GALK2: variants seen among roughly 807,000 people sequenced by gnomAD.
GALK2 encodes the protein galactokinase 2.
A neutral mutation model predicts 52.4 loss-of-function variants in GALK2; 36 were observed. The observed-to-expected ratio is 0.69, with a 90% CI of 0.53 to 0.91. GALK2 has a LOEUF of 0.91. Among genes scored for constraint, GALK2 ranks in the 40% least tolerant of loss-of-function variants. The pLI, the probability that GALK2 is intolerant of heterozygous loss-of-function variation, is 0.00. For missense variants in GALK2, 579 were observed against 559.1 expected (o/e 1.04, Z -0.36); for synonymous variants, 176 against 199.1 (o/e 0.88, Z 0.98).
At chr15:49,167,388 G>A (rs1016684893), upstream of GALK2, among the ~76,000 whole-genome samples, 8 of 151,732 alleles carry the variant, frequency 5.3e-5, no homozygotes, top group South Asian at 2.1e-4. Context: ...ATGGAGTTTC[G>A]CTCTTGGTTG....
intron 8 of GALK2, among the ~76,000 whole-genome samples, chr15:49,308,955 G>A (rs1567046463): frequency 1.3e-5 from 2 of 152,320 alleles, no homozygotes; most frequent in South Asian, 2.1e-4. Context: ...GTATGTTGGT[G>A]ATGGAGAAGG....
At chr15:49,348,833 C>T (rs2041881048) in intron 3 of GALK2, among the ~76,000 whole-genome samples, 1 of 152,238 alleles carries the variant, frequency 6.6e-6, no homozygotes, top group African/African-American at 2.4e-5. Flanking sequence ...TTGATATTCA[C>T]TTAAACTATT....
At position 49,283,852 on chromosome 15, in the gene GALK2, C is replaced by T. The variant is rs1299985428; in HGVS notation, c.756+134C>T. ...ACTGCACAGCATTCCAACTGAAGGT[C>T]TTTGGGTACAGAGAAATCTGATTTC... is the stretch of plus-strand genomic sequence containing the variant. On this transcript the variant is annotated intron_variant, in intron 7 of 9. Transcript: ENST00000560031. 3 of 848,962 alleles carry T rather than the reference C, an allele frequency of 3.5e-6. No homozygotes were observed. The African/African-American group carries it at 5.1e-5, about 14-fold the overall frequency. 52.6% of individuals were successfully genotyped at this position (848,962 alleles called of 1,614,324 possible). A position where few individuals can be genotyped will look rare whatever the true frequency, so the allele number is the denominator to read the frequency against.
chr15:49,190,176 AC>A (rs1416232030), intron 1 of GALK2, among the ~76,000 whole-genome samples: 1 of 152,188 alleles, frequency 6.6e-6, no homozygotes, highest in Non-Finnish European at 1.5e-5. Flanking sequence ...TTTCTAGTAT[AC>A]CCTTTCAAAT....
intron 2 of GALK2, among the ~76,000 whole-genome samples, chr15:49,215,514 A>G (rs1437314359): frequency 1.3e-5 from 2 of 150,714 alleles, no homozygotes; most frequent in African/African-American, 5.0e-5. Flanking sequence ...TGCTGTTGAG[A>G]GACTCTGAGA....
At chr15:49,228,874 T>C (rs1301388953) in intron 3 of GALK2, among the ~76,000 whole-genome samples, 1 of 150,554 alleles carries the variant, frequency 6.6e-6, no homozygotes, top group East Asian at 1.9e-4. Context: ...TTTGTATTTT[T>C]AGTAGAGATG....
At chr15:49,299,762 TC>T (rs2034896770) in intron 8 of GALK2, among the ~76,000 whole-genome samples, 1 of 142,184 alleles carries the variant, frequency 7.0e-6, no homozygotes, top group African/African-American at 2.7e-5. Flanking sequence ...TTTCTTTCTT[TC>T]TTTCTTTCTT....
upstream of GALK2, among the ~76,000 whole-genome samples, chr15:49,167,057 C>T (rs1292408544): frequency 5.9e-5 from 9 of 152,170 alleles, no homozygotes; most frequent in Non-Finnish European, 1.3e-4. Context: ...GTCTCTAACA[C>T]CCATGCTTTA....
At chr15:49,310,301 G>A (rs977228614) in intron 8 of GALK2, among the ~76,000 whole-genome samples, 2 of 152,098 alleles carry the variant, frequency 1.3e-5, no homozygotes, top group African/African-American at 4.8e-5. Context: ...TGAACATTTA[G>A]GTTGATCCTA....
At chr15:49,264,025 G>A (rs1380625565) in intron 5 of GALK2, among the ~76,000 whole-genome samples, 1 of 151,756 alleles carries the variant, frequency 6.6e-6, no homozygotes, top group Non-Finnish European at 1.5e-5. Flanking sequence ...TTTCAACTTT[G>A]GTGAATCTGA....
rs746219476 is a variant in GALK2, at chr15:49,283,730, G to A, written c.756+12G>A. The A allele has an allele frequency of 6.2e-7, 1 of 1,612,466 alleles. No homozygotes were observed. The highest frequency in any genetic ancestry group is 2.2e-5 in the East Asian group (1 of 44,852). On this transcript the variant is annotated intron_variant, in intron 7 of 9. Coordinates refer to ENST00000560031, the MANE Select transcript of GALK2 (RefSeq NM_002044.4). ...GGCTGGCTGCGAAGGTATGAACTTG[G>A]CAGGCTAGTGAAACTTGAAGTAGGG...
chr15:49,300,607 A>T (rs2035028970), intron 8 of GALK2, among the ~76,000 whole-genome samples: 1 of 152,056 alleles, frequency 6.6e-6, no homozygotes, highest in Non-Finnish European at 1.5e-5. Flanking sequence ...CATGGGAGAG[A>T]TCCTGGGAGG....
In GALK2 at chr15:49,328,456, C is replaced by T. The variant is rs541168646; in HGVS notation, c.*297C>T. On this transcript the variant is annotated 3_prime_UTR_variant, in exon 10 of 10. Transcript: ENST00000560031. ...TTTTAAAGATGAATGGTAAAACACA[C>T]TCTTAATACTGATTACATGGATTGG... The T allele has an allele frequency of 2.9e-4, 436 of 1,504,792 alleles. 2 individuals are homozygous for T. Among genetic ancestry groups the T allele is most frequent in the Non-Finnish European group, 1.5e-5 (17 of 1,127,602 alleles). 93.2% of individuals were successfully genotyped at this position (1,504,792 alleles called of 1,614,324 possible). A position where few individuals can be genotyped will look rare whatever the true frequency, so the allele number is the denominator to read the frequency against.
At chr15:49,158,951 C>T (rs2084549015) in intron 1 of GALK2, 2 of 152,200 alleles carry the variant, frequency 1.3e-5, no homozygotes, top group South Asian at 4.1e-4. Context: ...TCAGCCTCCT[C>T]AGTGGCTAGG....
intron 3 of GALK2, among the ~76,000 whole-genome samples, chr15:49,347,081 G>C (rs920507897): frequency 6.6e-6 from 1 of 152,150 alleles, no homozygotes; most frequent in South Asian, 2.1e-4. Context: ...TGTAAAATAG[G>C]ATTGCAGTTC....
rs1228669947 is a variant in GALK2 at position 49,331,691 on chromosome 15, C to T, written c.*3532C>T. 5.0e-6 allele frequency: 4 copies of T among 792,610 alleles called. No individual in the cohort carries two copies. Among genetic ancestry groups the T allele is most frequent in the Non-Finnish European group, 8.8e-6 (4 of 454,916 alleles). 49.1% of individuals were successfully genotyped at this position (792,610 alleles called of 1,614,324 possible). A position where few individuals can be genotyped will look rare whatever the true frequency, so the allele number is the denominator to read the frequency against. ...CTCCTGCCACTGTAATTTGGGTGTG[C>T]CACCATACATTGCTTATGAAATATT... is the stretch of plus-strand genomic sequence containing the variant. On this transcript the variant is annotated 3_prime_UTR_variant, in exon 10 of 10. Transcript: ENST00000560031.
chr15:49,166,918 T>A (rs1056288272), upstream of GALK2, among the ~76,000 whole-genome samples: 7 of 152,168 alleles, frequency 4.6e-5, no homozygotes, highest in Middle Eastern at 3.2e-3. Context: ...GAAATAACAT[T>A]ATTTCAGATA....
chr15:49,260,191 C>T (rs1327648931), intron 5 of GALK2, among the ~76,000 whole-genome samples: 1 of 152,090 alleles, frequency 6.6e-6, no homozygotes, highest in Non-Finnish European at 1.5e-5. Context: ...GTTTACAGTC[C>T]CACCAACAGT....
intron 3 of GALK2, among the ~76,000 whole-genome samples, chr15:49,363,559 T>C (rs770220077): frequency 3.9e-5 from 6 of 152,178 alleles, no homozygotes; most frequent in Non-Finnish European, 8.8e-5. Context: ...TAGGATCATA[T>C]TGTCTATAAA....
Sources: gnomAD v4.1 joint callset for allele counts (sites outside exome capture counted in the v4.1 genomes callset) on GRCh38, gnomAD v4.1.1 for gene constraint, MANE v1.5 for transcripts, NCBI Gene and HGNC (gene_info 2026-07-23, HGNC 2026-07-21) for gene names.